Variants in HAUS6 observed in about 807,000 individuals in gnomAD.
HAUS6 encodes HAUS augmin-like complex subunit 6.
A neutral mutation model predicts 106.8 loss-of-function variants in HAUS6; 80 were observed. The ratio of observed to expected loss-of-function variants is 0.75; its 90% confidence interval spans 0.63 to 0.90. The LOEUF is 0.90. Ranked by LOEUF, HAUS6 falls within the 40% of genes least tolerant of loss-of-function variation. The pLI, the probability that HAUS6 is intolerant of heterozygous loss-of-function variation, is 0.00. For synonymous variants in HAUS6, 356 were observed against 379.1 expected (o/e 0.94, Z 0.71); for missense variants, 1,155 against 1,118.1 (o/e 1.03, Z -0.47).
chr9:19,085,624 A>C (rs1837271917), intron 7 of HAUS6, among the ~76,000 whole-genome samples: 1 of 152,006 alleles, frequency 6.6e-6, no homozygotes, highest in Non-Finnish European at 1.5e-5. Context: ...CCAAAAAAAA[A>C]AAAAAAGAAA....
chr9:19,096,112 T>C (rs1817856508), intron 2 of HAUS6, among the ~76,000 whole-genome samples: 1 of 152,080 alleles, frequency 6.6e-6, no homozygotes, highest in Admixed American at 6.6e-5. Flanking sequence ...TGTTAAGAAA[T>C]CTATAAAAAC....
chr9:19,084,960 C>T (rs1837255876), intron 7 of HAUS6, among the ~76,000 whole-genome samples: 1 of 151,918 alleles, frequency 6.6e-6, no homozygotes, highest in African/African-American at 2.4e-5. Context: ...ACGGGTCTCG[C>T]TCTGTTGCCC....
chr9:19,081,852 G>A (rs1199203275), intron 8 of HAUS6, among the ~76,000 whole-genome samples: 1 of 151,522 alleles, frequency 6.6e-6, no homozygotes, highest in Non-Finnish European at 1.5e-5. Flanking sequence ...ATCATTTGAG[G>A]TCAGGAGCTC....
intron 7 of HAUS6, among the ~76,000 whole-genome samples, chr9:19,085,048 C>T (rs547998599): frequency 6.6e-6 from 1 of 152,280 alleles, no homozygotes; most frequent in African/African-American, 2.4e-5. Flanking sequence ...CTGCCTCAGC[C>T]TCCTGAGTAG....
intron 9 of HAUS6, among the ~76,000 whole-genome samples, chr9:19,079,369 T>C (rs937772475): frequency 1.3e-5 from 2 of 151,316 alleles, no homozygotes; most frequent in African/African-American, 2.4e-5. Flanking sequence ...GTAGCTGGGA[T>C]TACAGGCGCA....
intron 1 of HAUS6, 85 bp downstream of exon 1, chr9:19,102,439 T>C (rs1818009614): frequency 1.4e-6 from 2 of 1,421,812 alleles, no homozygotes; most frequent in South Asian, 2.5e-5. Context: ...TTCTGATTAA[T>C]CAACCTCCGG....
chr9:19,078,739 G>A (rs942214092), intron 9 of HAUS6, among the ~76,000 whole-genome samples: 14 of 151,434 alleles, frequency 9.2e-5, no homozygotes, highest in African/African-American at 3.2e-4. Flanking sequence ...AGTGAGCCGA[G>A]ATCGTGCCAT....
chr9:19,076,322 C>G (rs781217528), intron 11 of HAUS6, among the ~76,000 whole-genome samples: 21 of 152,062 alleles, frequency 1.4e-4, no homozygotes, highest in Admixed American at 3.3e-4. Context: ...CGACTGCACT[C>G]CAGCTTGGGC....
At position 19,089,449 on chromosome 9, in the gene HAUS6, G is replaced by A; in HGVS notation, c.547C>T (p.Gln183Ter). ...TGATATTTTTGGGTAACACAATCTTGTCTTTGCAAAATTTGTAAAAATCTG... is the reference window on the plus strand; with the variant it reads ...TGATATTTTTGGGTAACACAATCTTATCTTTGCAAAATTTGTAAAAATCTG... ...RSRFLQILQR[Q>*]DCVTQKYQEN... Residue 183 changes from glutamine to a stop codon, truncating the protein, a stop_gained, in exon 5 of 17, where the codon CAA becomes TAA. Coordinates refer to ENST00000380502, the MANE Select transcript of HAUS6 (RefSeq NM_017645.5). LOFTEE classifies it high-confidence loss of function. 2 of 1,611,528 alleles carry A rather than the reference G, an allele frequency of 1.2e-6. No homozygotes were observed. The highest frequency in any genetic ancestry group is 2.2e-5 in the East Asian group (1 of 44,858).
intron 6 of HAUS6, 81 bp downstream of exon 6, chr9:19,087,010 G>A (rs1445489037): frequency 4.0e-6 from 3 of 742,336 alleles, no homozygotes; most frequent in South Asian, 3.0e-5. Flanking sequence ...ATTAATGTTT[G>A]TGGGAGTCTG....
rs527654918 is a variant in HAUS6 at position 19,053,197 on chromosome 9, CAT to C, written c.*3144_*3145del. On this transcript the variant is annotated 3_prime_UTR_variant, in exon 17 of 17. Transcript: ENST00000380502. ...TATTTAAAACATTTACAGAGAGTCC[CAT>C]AGAGGATTCTCAAATATTTTAAACT... 76 of 152,186 alleles carry C rather than the reference CAT, an allele frequency of 5.0e-4. No individual in the cohort carries two copies. The highest frequency in any genetic ancestry group is 1.7e-3 in the African/African-American group (70 of 41,532). 9.4% of individuals were successfully genotyped at this position (152,186 alleles called of 1,614,324 possible).
intron 11 of HAUS6, 68 bp from the exon 12 acceptor site, chr9:19,070,368 G>C: frequency 3.5e-6 from 3 of 861,418 alleles, no homozygotes; most frequent in South Asian, 3.0e-5. Context: ...AGGATTCCTT[G>C]AAATTCGAGA....
intron 1 of HAUS6, among the ~76,000 whole-genome samples, chr9:19,102,181 T>A (rs560728482): frequency 3.0e-4 from 45 of 151,130 alleles, no homozygotes; most frequent in Non-Finnish European, 5.9e-4. Flanking sequence ...GTACATATGG[T>A]TCCCATGCTC....
intron 14 of HAUS6, 63 bp from the exon 15 acceptor site, chr9:19,060,286 C>T: frequency 8.4e-6 from 11 of 1,306,442 alleles, no homozygotes; most frequent in South Asian, 6.5e-5. Flanking sequence ...TGCAACAAAA[C>T]CCCTGATAAG....
In HAUS6 at chr9:19,058,297, G is replaced by A. The variant is rs762141378; in HGVS notation, c.2470C>T (p.Pro824Ser). ...EDVVGGRQTT[P>S]ESDFNLQALR... is the part of the protein sequence containing the mutation. ...GCCTGTAAATTAAAGTCTGATTCTG[G>A]AGTAGTCTGTCTCCCTCCCACAACA... The change falls in exon 16 of 17, where the codon CCA becomes TCA. Residue 824 changes from proline to serine, a missense_variant. Around this residue, in one of 3 missense-constraint regions of HAUS6, gnomAD observed 380 missense variants for 394.8 expected, o/e 0.96. Coordinates refer to ENST00000380502, the MANE Select transcript of HAUS6 (RefSeq NM_017645.5). The A allele has an allele frequency of 9.3e-6, 15 of 1,613,052 alleles. No individual in the cohort carries two copies. The highest frequency in any genetic ancestry group is 1.2e-5 in the Non-Finnish European group (14 of 1,179,190).
intron 5 of HAUS6, among the ~76,000 whole-genome samples, chr9:19,088,599 G>A (rs1817678995): frequency 6.6e-6 from 1 of 151,960 alleles, no homozygotes; most frequent in African/African-American, 2.4e-5. Flanking sequence ...CGGGCACAGT[G>A]GCTCATGCCT....
intron 16 of HAUS6, chr9:19,056,613 T>C (rs1274645294): frequency 2.1e-6 from 1 of 466,558 alleles, no homozygotes; most frequent in African/African-American, 2.0e-5. Context: ...TTTTTTTCTT[T>C]TTTCTGCGAC....
rs758883064 is a variant in HAUS6, at chr9:19,093,228, G to T, written c.379C>A (p.Leu127Met). ...LSPGGPKFIH[L>M]MYHFARFVAM... ...ACAAATCTTGCAAAATGATACATCAGATGAATAAACTTAGGACCACCAGGA... is the reference window on the plus strand; with the variant it reads ...ACAAATCTTGCAAAATGATACATCATATGAATAAACTTAGGACCACCAGGA... Residue 127 changes from leucine (L) to methionine (M), a missense_variant, in exon 4 of 17, where the codon CTG becomes ATG. By Grantham distance (15) the Leu-to-Met change is conservative. Around this residue, in one of 3 missense-constraint regions of HAUS6, gnomAD observed 761 missense variants for 690.0 expected, o/e 1.10. Transcript: ENST00000380502. 1.9e-6 allele frequency: 3 copies of T among 1,608,304 alleles called. No individual in the cohort carries two copies. Among genetic ancestry groups the T allele is most frequent in the Non-Finnish European group, 2.6e-6 (3 of 1,176,120 alleles).
At chr9:19,074,725 G>C (rs1043208853) in intron 11 of HAUS6, among the ~76,000 whole-genome samples, 1 of 152,130 alleles carries the variant, frequency 6.6e-6, no homozygotes, top group African/African-American at 2.4e-5. Context: ...GCTAACTGCT[G>C]TCATGACCTT....
Sources: gnomAD v4.1 joint callset for allele counts (sites outside exome capture counted in the v4.1 genomes callset) on GRCh38, gnomAD v4.1.1 for gene constraint, gnomAD v4.1.1 regional missense constraint, MANE v1.5 for transcripts, NCBI Gene and HGNC (gene_info 2026-07-23, HGNC 2026-07-21) for gene names.